Variants in CDK14 observed in about 807,000 individuals in gnomAD.
The protein encoded by CDK14 is cyclin dependent kinase 14.
A neutral mutation model predicts 60.7 loss-of-function variants in CDK14; 34 were observed. The ratio of observed to expected loss-of-function variants is 0.56; its 90% CI spans 0.43 to 0.75. The LOEUF (loss-of-function observed/expected upper bound fraction) is 0.75, where lower values mean the gene tolerates loss of function less well. Ranked by LOEUF, CDK14 falls within the 30% of genes least tolerant of loss-of-function variation. The probability of loss-of-function intolerance (pLI) is 0.00; values close to 1 mark genes in which losing one functional copy is unlikely to be tolerated. For synonymous variants in CDK14, 197 were observed against 203.7 expected, an observed-to-expected ratio of 0.97 and a Z score of 0.28; for missense variants, 482 against 564.1, an observed-to-expected ratio of 0.85 and a Z score of 1.47.
chr7:91,200,496 G>A (rs972865166), intron 14 of CDK14, among the ~76,000 whole-genome samples: 1 of 151,946 alleles, frequency 6.6e-6, no homozygotes, highest in Non-Finnish European at 1.5e-5. Flanking sequence ...TTCTTTTTCC[G>A]GGACATTGTT....
chr7:90,701,232 G>A (rs998437216), intron 2 of CDK14, among the ~76,000 whole-genome samples: 2 of 152,132 alleles, frequency 1.3e-5, no homozygotes, highest in Non-Finnish European at 2.9e-5. Context: ...CAATTTGTAG[G>A]TGGTATCTAT....
chr7:90,745,706 G>A (rs1803564620), intron 3 of CDK14, among the ~76,000 whole-genome samples: 1 of 152,142 alleles, frequency 6.6e-6, no homozygotes, highest in South Asian at 2.1e-4. Flanking sequence ...GAGCCACCGT[G>A]CTCAGCCTAT....
chr7:90,856,553 A>G (rs1790824596), intron 5 of CDK14, among the ~76,000 whole-genome samples: 1 of 152,206 alleles, frequency 6.6e-6, no homozygotes, highest in Non-Finnish European at 1.5e-5. Flanking sequence ...GGAGCTGCGT[A>G]TCAGTGCTCA....
intron 10 of CDK14, among the ~76,000 whole-genome samples, chr7:91,023,928 A>G (rs1363410650): frequency 1.3e-5 from 2 of 152,054 alleles, no homozygotes; most frequent in African/African-American, 2.4e-5. Context: ...GCACGCCAAC[A>G]TGTCTGGCAA....
intron 2 of CDK14, among the ~76,000 whole-genome samples, chr7:90,644,809 A>G (rs930095363): frequency 2.0e-5 from 3 of 152,200 alleles, no homozygotes; most frequent in Non-Finnish European, 4.4e-5. Flanking sequence ...AATTTGAAAC[A>G]TACTTAAATG....
chr7:91,089,230 C>T (rs1432588172), intron 12 of CDK14, among the ~76,000 whole-genome samples: 3 of 152,166 alleles, frequency 2.0e-5, no homozygotes. Flanking sequence ...CCTTCTCTTT[C>T]TTCCCCAGCC....
chr7:91,140,352 G>A (rs1001987941), intron 14 of CDK14, among the ~76,000 whole-genome samples: 2 of 152,168 alleles, frequency 1.3e-5, no homozygotes, highest in African/African-American at 4.8e-5. Context: ...GATCTGTGTG[G>A]CACAGACTGT....
At chr7:90,929,847 T>C (rs1793534482) in intron 8 of CDK14, among the ~76,000 whole-genome samples, 1 of 152,208 alleles carries the variant, frequency 6.6e-6, no homozygotes, top group Non-Finnish European at 1.5e-5. Flanking sequence ...TACACCTTAG[T>C]GTATACTTTA....
At chr7:91,179,849 T>C (rs886192853) in intron 14 of CDK14, among the ~76,000 whole-genome samples, 1 of 152,196 alleles carries the variant, frequency 6.6e-6, no homozygotes, top group Non-Finnish European at 1.5e-5. Flanking sequence ...TTTTCGAATT[T>C]GTACTATTTT....
chr7:90,634,965 CT>C (rs1195233187), intron 2 of CDK14, among the ~76,000 whole-genome samples: 1 of 152,100 alleles, frequency 6.6e-6, no homozygotes, highest in Non-Finnish European at 1.5e-5. Flanking sequence ...CCTTTGCCCA[CT>C]TTTTGATGGG....
chr7:91,025,518 A>T, intron 10 of CDK14, among the ~76,000 whole-genome samples: 1 of 152,220 alleles, frequency 6.6e-6, no homozygotes, highest in East Asian at 1.9e-4. Flanking sequence ...GGAATGAGAA[A>T]GTGATGAAAA....
At chr7:91,007,755 A>G (rs1171452255) in intron 10 of CDK14, among the ~76,000 whole-genome samples, 1 of 152,112 alleles carries the variant, frequency 6.6e-6, no homozygotes, top group East Asian at 1.9e-4. Context: ...ACAATATAAC[A>G]TCAATAAAGA....
intron 11 of CDK14, among the ~76,000 whole-genome samples, chr7:91,058,262 C>G (rs1797651690): frequency 6.6e-6 from 1 of 151,994 alleles, no homozygotes; most frequent in Non-Finnish European, 1.5e-5. Flanking sequence ...ATTTTGTATC[C>G]TGAGACTTTG....
intron 14 of CDK14, among the ~76,000 whole-genome samples, chr7:91,167,530 G>A (rs911666654): frequency 2.6e-5 from 4 of 152,218 alleles, no homozygotes; most frequent in Admixed American, 2.6e-4. Context: ...CTTATATAAT[G>A]TAGATAGGGT....
intron 2 of CDK14, among the ~76,000 whole-genome samples, chr7:90,645,811 AAG>A (rs1249259994): frequency 2.0e-5 from 3 of 152,222 alleles, no homozygotes; most frequent in Non-Finnish European, 4.4e-5. Context: ...AAAGGAGAAA[AAG>A]AGAAAAAAGA....
chr7:90,991,093 G>A (rs1439291347), intron 10 of CDK14, among the ~76,000 whole-genome samples: 1 of 152,130 alleles, frequency 6.6e-6, no homozygotes, highest in African/African-American at 2.4e-5. Flanking sequence ...TAACTTAAAA[G>A]CTTCAAATTT....
intron 11 of CDK14, among the ~76,000 whole-genome samples, chr7:91,056,570 C>G (rs1350655467): frequency 6.6e-6 from 1 of 151,598 alleles, no homozygotes; most frequent in Non-Finnish European, 1.5e-5. Context: ...CCCCCCACCC[C>G]ACAACAGGCC....
intron 5 of CDK14, among the ~76,000 whole-genome samples, chr7:90,811,193 A>C (rs1789089583): frequency 6.6e-6 from 1 of 152,236 alleles, no homozygotes; most frequent in Non-Finnish European, 1.5e-5. Context: ...AGCTGGAGGC[A>C]TCATGCTACC....
chr7:91,205,306 A>C (rs1474491569), intron 14 of CDK14, among the ~76,000 whole-genome samples: 3 of 152,236 alleles, frequency 2.0e-5, no homozygotes, highest in African/African-American at 7.2e-5. Flanking sequence ...CAACCAATGA[A>C]TGGATAAACA....
Sources: allele counts gnomAD v4.1 joint callset (sites outside exome capture counted in the v4.1 genomes callset), GRCh38; gene constraint gnomAD v4.1.1; transcripts MANE v1.5; gene names NCBI Gene and HGNC (gene_info 2026-07-23, HGNC 2026-07-21).